SLC35F3: variants seen among roughly 807,000 people sequenced by gnomAD.
SLC35F3 encodes the protein putative thiamine transporter SLC35F3.
A neutral mutation model predicts 49.9 loss-of-function variants in SLC35F3; 25 were observed. That is an observed-to-expected ratio of 0.50 (90% CI 0.37 to 0.70). The LOEUF (loss-of-function observed/expected upper bound fraction) is 0.70, where lower values mean the gene tolerates loss of function less well. Among genes scored for constraint, SLC35F3 ranks in the 30% least tolerant of loss-of-function variants. The pLI is 0.00. For missense variants in SLC35F3, 525 were observed against 639.8 expected (o/e 0.82, Z 1.94); for synonymous variants, 275 against 265.4 (o/e 1.04, Z -0.35).
chr1:234,095,976 C>G (rs1183164210), intron 2 of SLC35F3, among the ~76,000 whole-genome samples: 2 of 152,208 alleles, frequency 1.3e-5, no homozygotes, highest in African/African-American at 4.8e-5. Context: ...TAATTCCATC[C>G]TGAAATAGGT....
chr1:234,072,581 G>A (rs1572041124), intron 2 of SLC35F3, among the ~76,000 whole-genome samples: 6 of 152,334 alleles, frequency 3.9e-5, no homozygotes, highest in African/African-American at 1.4e-4. Context: ...TTTCTATGCG[G>A]TGACCGGGGA....
chr1:234,272,336 A>G (rs1668120911), intron 3 of SLC35F3: 2 of 152,236 alleles, frequency 1.3e-5, no homozygotes, highest in Non-Finnish European at 2.9e-5. Context: ...AAAGCGTTCT[A>G]GAAGTGGAGA....
chr1:233,933,773 G>A (rs931236552), intron 2 of SLC35F3, among the ~76,000 whole-genome samples: 2 of 152,306 alleles, frequency 1.3e-5, no homozygotes, highest in African/African-American at 2.4e-5. Context: ...CCTGGAAGGC[G>A]TAGGCGTAGG....
intron 2 of SLC35F3, among the ~76,000 whole-genome samples, chr1:234,227,452 C>G (rs374555904): frequency 5.0e-5 from 7 of 138,800 alleles, no homozygotes; most frequent in Non-Finnish European, 9.2e-5. Context: ...AGGCTGGAGT[C>G]CAGTGGCGCA....
At chr1:234,177,098 C>G (rs543224639) in intron 2 of SLC35F3, among the ~76,000 whole-genome samples, 1 of 152,274 alleles carries the variant, frequency 6.6e-6, no homozygotes, top group South Asian at 2.1e-4. Context: ...CTTTCCTGCA[C>G]TGTTCTCATG....
At chr1:234,017,533 G>A (rs925383418) in intron 2 of SLC35F3, among the ~76,000 whole-genome samples, 6 of 151,690 alleles carry the variant, frequency 4.0e-5, no homozygotes, top group African/African-American at 1.5e-4. Context: ...CTAACACTGT[G>A]AAACCCCGTC....
At chr1:234,106,696 A>G (rs900134201) in intron 2 of SLC35F3, among the ~76,000 whole-genome samples, 4 of 152,204 alleles carry the variant, frequency 2.6e-5, no homozygotes, top group Admixed American at 1.3e-4. Context: ...TAAGGCTTCA[A>G]TATATGAATT....
At chr1:234,138,258 T>G (rs958846699) in intron 2 of SLC35F3, among the ~76,000 whole-genome samples, 2 of 152,126 alleles carry the variant, frequency 1.3e-5, no homozygotes, top group African/African-American at 2.4e-5. Context: ...ATCTCAGAAG[T>G]TGTGGTGAGG....
intron 3 of SLC35F3, among the ~76,000 whole-genome samples, chr1:234,268,261 C>A (rs377538743): frequency 1.3e-5 from 2 of 152,124 alleles, no homozygotes; most frequent in African/African-American, 2.4e-5. Flanking sequence ...GAGACCAGCC[C>A]GGCCAACACA....
intron 2 of SLC35F3, among the ~76,000 whole-genome samples, chr1:234,012,988 A>G (rs1461449930): frequency 6.6e-6 from 1 of 152,198 alleles, no homozygotes; most frequent in Non-Finnish European, 1.5e-5. Flanking sequence ...AAATAGAACT[A>G]AAAGACACGT....
At chr1:234,171,515 A>C (rs1445296875) in intron 2 of SLC35F3, among the ~76,000 whole-genome samples, 5 of 152,190 alleles carry the variant, frequency 3.3e-5, no homozygotes, top group Non-Finnish European at 7.3e-5. Context: ...TAATTATTCA[A>C]TACAAATTCC....
chr1:234,102,335 A>G (rs1480663979), intron 2 of SLC35F3, among the ~76,000 whole-genome samples: 1 of 151,826 alleles, frequency 6.6e-6, no homozygotes, highest in Non-Finnish European at 1.5e-5. Context: ...TTTTTTGGGG[A>G]GGTGTGTGTG....
intron 2 of SLC35F3, among the ~76,000 whole-genome samples, chr1:234,038,632 A>T (rs929442187): frequency 3.3e-5 from 5 of 152,220 alleles, no homozygotes; most frequent in Admixed American, 6.5e-5. Flanking sequence ...CAGCCAAAAG[A>T]CACATGAAAA....
chr1:234,147,327 A>G (rs1666013867), intron 2 of SLC35F3, among the ~76,000 whole-genome samples: 1 of 148,978 alleles, frequency 6.7e-6, no homozygotes, highest in Non-Finnish European at 1.5e-5. Flanking sequence ...TATTTTCTGC[A>G]TCCAACTTGC....
At chr1:234,041,888 T>C (rs1664227036) in intron 2 of SLC35F3, among the ~76,000 whole-genome samples, 1 of 152,158 alleles carries the variant, frequency 6.6e-6, no homozygotes, top group Non-Finnish European at 1.5e-5. Context: ...TCAGAAATCA[T>C]TTTTGTTGTG....
At chr1:234,177,585 A>G in intron 2 of SLC35F3, among the ~76,000 whole-genome samples, 1 of 152,222 alleles carries the variant, frequency 6.6e-6, no homozygotes, top group South Asian at 2.1e-4. Context: ...ACACTTACTG[A>G]TCAGGGAGAG....
intron 2 of SLC35F3, among the ~76,000 whole-genome samples, chr1:234,175,998 A>G (rs1666471244): frequency 6.6e-6 from 1 of 152,152 alleles, no homozygotes; most frequent in Non-Finnish European, 1.5e-5. Flanking sequence ...TCCCCTTCAA[A>G]GATTCCACCT....
At chr1:234,223,664 A>G (rs1258045481) in intron 2 of SLC35F3, among the ~76,000 whole-genome samples, 1 of 152,268 alleles carries the variant, frequency 6.6e-6, no homozygotes, top group Non-Finnish European at 1.5e-5. Flanking sequence ...TGCCATCTGT[A>G]GCATGTCATA....
intron 2 of SLC35F3, among the ~76,000 whole-genome samples, chr1:234,092,540 A>T (rs1558227109): frequency 6.6e-6 from 1 of 152,174 alleles, no homozygotes; most frequent in African/African-American, 2.4e-5. Context: ...CAGACCTGTC[A>T]TATTTGGATT....
Sources: gnomAD v4.1 joint callset for allele counts (sites outside exome capture counted in the v4.1 genomes callset) on GRCh38, gnomAD v4.1.1 for gene constraint, MANE v1.5 for transcripts, NCBI Gene and HGNC (gene_info 2026-07-23, HGNC 2026-07-21) for gene names.